Variants in ZNF705B observed in about 807,000 individuals in gnomAD.
ZNF705B encodes zinc finger protein 705B.
In ZNF705B, 1 loss-of-function variant was observed where a neutral mutation model predicts 10.5. The observed-to-expected ratio is 0.10, with a 90% CI of 0.03 to 0.45. ZNF705B has a LOEUF of 0.45. Ranked by LOEUF, ZNF705B falls within the 20% of genes least tolerant of loss-of-function variation. The pLI is 0.97. For missense variants in ZNF705B, 14 were observed against 84.0 expected (o/e 0.17, Z 3.26); for synonymous variants, 4 against 25.4 (o/e 0.16, Z 2.53).
intron 2 of ZNF705B, among the ~76,000 whole-genome samples, chr8:7,936,516 A>T (rs1820018685): frequency 8.4e-6 from 1 of 119,474 alleles, no homozygotes; most frequent in African/African-American, 2.6e-5. Flanking sequence ...TGTAGTACAT[A>T]TATGTCACGG....
chr8:7,935,876 C>G (rs1198780950), intron 2 of ZNF705B, among the ~76,000 whole-genome samples: 1 of 91,566 alleles, frequency 1.1e-5, no homozygotes, highest in East Asian at 3.0e-4. Context: ...ATAGTAGTAC[C>G]CAAGCCCACT....
At chr8:7,936,173 T>C (rs1324368354) in intron 2 of ZNF705B, among the ~76,000 whole-genome samples, 2 of 116,066 alleles carry the variant, frequency 1.7e-5, no homozygotes, top group African/African-American at 5.2e-5. Context: ...TAAATGATTG[T>C]GGAATAATTG....
At chr8:7,934,721 T>TGTGTGTGTGTG (rs1211087723) in intron 2 of ZNF705B, 26 of 108,840 alleles carry the variant, frequency 2.4e-4, no homozygotes, top group Middle Eastern at 2.5e-3. Context: ...TGTGTGTGTG[T>TGTGTGTGTGTG]TATTTGATTT....
chr8:7,927,468 G>A (rs866165002), intron 1 of ZNF705B, among the ~76,000 whole-genome samples: 2 of 120,740 alleles, frequency 1.7e-5, no homozygotes, highest in African/African-American at 5.0e-5. Flanking sequence ...GTCTTTTTTT[G>A]AGAAATGTCT....
chr8:7,940,935 C>CGA (rs1820138420), intron 2 of ZNF705B, among the ~76,000 whole-genome samples: 1 of 148,624 alleles, frequency 6.7e-6, no homozygotes, highest in South Asian at 2.2e-4. Flanking sequence ...TTAGAACGTG[C>CGA]AGTGCTTGGT....
chr8:7,926,343 G>A lies in ZNF705B; in HGVS notation c.-276G>A, dbSNP rs1275540150. ...ACTGGAGCTGCTTTCAGGTGTCCTT[G>A]TCCCAAGGGACATACAGCACACAGC... On this transcript the variant is annotated 5_prime_UTR_variant, in exon 1 of 7. Coordinates refer to ENST00000400120, the MANE Select transcript of ZNF705B (RefSeq NM_001193630.1). The A allele has an allele frequency of 1.7e-5, 2 of 116,248 alleles. 1 individual carries two copies. The highest frequency in any genetic ancestry group is 2.0e-4 in the Admixed American group (2 of 10,044). The allele number at this position is 116,248 out of a possible 1,614,324, so 7.2% of individuals were successfully genotyped here. A position where few individuals can be genotyped will look rare whatever the true frequency, so the allele number is the denominator to read the frequency against.
In ZNF705B at chr8:7,931,226, C is replaced by G. The variant is rs964433317; in HGVS notation, c.-72+790C>G. Among the ~76,000 whole-genome samples the G allele has an allele frequency of 7.6e-4, 92 of 121,018 alleles. 22 individuals carry two copies. The highest frequency in any genetic ancestry group is 1.3e-3 in the Non-Finnish European group (65 of 50,428). 79.4% of individuals were successfully genotyped at this position (121,018 alleles called of 152,430 possible). A position where few individuals can be genotyped will look rare whatever the true frequency, so the allele number is the denominator to read the frequency against. On this transcript the variant is annotated intron_variant, in intron 2 of 6. Coordinates refer to ENST00000400120, the MANE Select transcript of ZNF705B (RefSeq NM_001193630.1). ...AGACCCTGGGAGGCATGTGTAGCAT[C>G]AGCAATTGCAGTAGTCATAGCAGGT... is the stretch of plus-strand genomic sequence containing the variant.
chr8:7,932,827 GC>G (rs1360771391), intron 2 of ZNF705B, among the ~76,000 whole-genome samples: 1 of 106,954 alleles, frequency 9.3e-6, no homozygotes, highest in South Asian at 3.6e-4. Context: ...CCAAGGGGAG[GC>G]CCCCCAGTAC....
chr8:7,937,368 C>T (rs1412942395), intron 2 of ZNF705B, among the ~76,000 whole-genome samples: 1 of 107,124 alleles, frequency 9.3e-6, no homozygotes, highest in African/African-American at 2.7e-5. Context: ...TAGCACCATC[C>T]TGTGTTTTCT....
At chr8:7,927,668 T>C (rs1819734340) in intron 1 of ZNF705B, among the ~76,000 whole-genome samples, 1 of 134,182 alleles carries the variant, frequency 7.5e-6, no homozygotes, top group Non-Finnish European at 1.7e-5. Context: ...ACTGGAGCTT[T>C]GAAAGGTTGA....
In ZNF705B at chr8:7,941,821, ATT is replaced by A. The variant is rs542165449; in HGVS notation, c.-71-5521_-71-5520del. Among the ~76,000 whole-genome samples, 2 of 62,358 alleles carry A rather than the reference ATT, an allele frequency of 3.2e-5. 1 individual carries two copies. Among genetic ancestry groups the A allele is most frequent in the Non-Finnish European group, 7.0e-5 (2 of 28,412 alleles). 40.9% of individuals were successfully genotyped at this position (62,358 alleles called of 152,430 possible). On this transcript the variant is annotated intron_variant, in intron 2 of 6. Transcript: ENST00000400120. ...CACCATGCCCAGCTAATTTTTTGTA[ATT>A]TTTTTTTTCTTTTTTTAGTGGAGAC...
chr8:7,929,740 G>C (rs1339125783), intron 1 of ZNF705B, among the ~76,000 whole-genome samples: 2 of 114,488 alleles, frequency 1.7e-5, no homozygotes, highest in East Asian at 5.1e-4. Context: ...ACTTTGAGTG[G>C]AGTCATTTGC....
rs1820031003 is a variant in ZNF705B, at chr8:7,936,903, A to G, written c.-72+6467A>G. 1.7e-5 allele frequency among the ~76,000 whole-genome samples: 2 copies of G among 119,624 alleles called. 1 individual carries two copies. The highest frequency in any genetic ancestry group is 5.6e-4 in the South Asian group (2 of 3,576). The allele number at this position is 119,624 out of a possible 152,430, so 78.5% of individuals were successfully genotyped here. On this transcript the variant is annotated intron_variant, in intron 2 of 6. Coordinates refer to ENST00000400120, the MANE Select transcript of ZNF705B (RefSeq NM_001193630.1). ...TATTTTTAAAAATTGAAATTACAAA[A>G]GACTTTTTAAAATTATGATGTACCA...
Position 7,930,410 on chromosome 8 carries a change from T to G in ZNF705B, c.-98T>G, listed in dbSNP as rs1415247543. On this transcript the variant is annotated 5_prime_UTR_variant, in exon 2 of 7. Coordinates refer to ENST00000400120, the MANE Select transcript of ZNF705B (RefSeq NM_001193630.1). ...CTGCTGTTCCTTCTCTTTCTCCTTC[T>G]TGGATGTCTGATACAAACAGCCTCA... 5 of 76,806 alleles carry G rather than the reference T, an allele frequency of 6.5e-5. No individual in the cohort carries two copies. The highest frequency in any genetic ancestry group is 1.7e-4 in the African/African-American group (5 of 29,892). 4.8% of individuals were successfully genotyped at this position (76,806 alleles called of 1,614,324 possible).
At chr8:7,948,854 G>T (rs373270080) in intron 3 of ZNF705B, among the ~76,000 whole-genome samples, 2 of 74,670 alleles carry the variant, frequency 2.7e-5, no homozygotes, top group East Asian at 9.8e-4. Flanking sequence ...GTTATGTAGA[G>T]GTGATTAACA....
Position 7,930,855 on chromosome 8 carries a change from T to TG in ZNF705B, c.-72+419_-72+420insG, listed in dbSNP as rs1554594094. ...TTGTGTTATTTTTTTTGTTTTTTTT[T>TG]TTGTTGTTGTTGTTGTTTTGAGACA... On this transcript the variant is annotated intron_variant, in intron 2 of 6. Transcript: ENST00000400120. Among the ~76,000 whole-genome samples, 129 of 108,698 alleles carry TG rather than the reference T, an allele frequency of 1.2e-3. 4 individuals carry two copies. The highest frequency in any genetic ancestry group is 4.6e-3 in the Middle Eastern group (1 of 218). The allele number at this position is 108,698 out of a possible 152,430, so 71.3% of individuals were successfully genotyped here. A position where few individuals can be genotyped will look rare whatever the true frequency, so the allele number is the denominator to read the frequency against.
intron 1 of ZNF705B, among the ~76,000 whole-genome samples, chr8:7,927,045 G>A (rs529572067): frequency 8.3e-5 from 10 of 119,934 alleles, no homozygotes; most frequent in African/African-American, 2.3e-4. Context: ...CTCGTGGTAC[G>A]TGATAGGTGT....
intron 2 of ZNF705B, among the ~76,000 whole-genome samples, chr8:7,932,371 A>G (rs1819873902): frequency 8.3e-6 from 1 of 121,054 alleles, no homozygotes; most frequent in African/African-American, 2.5e-5. Flanking sequence ...TCTTCAAGGT[A>G]TGATTATCTA....
chr8:7,940,725 C>G (rs1178555436), intron 2 of ZNF705B, among the ~76,000 whole-genome samples: 1 of 146,394 alleles, frequency 6.8e-6, no homozygotes, highest in Non-Finnish European at 1.5e-5. Flanking sequence ...TTCATATAAC[C>G]TAATGCCCTC....
Sources: gnomAD v4.1 joint callset for allele counts (sites outside exome capture counted in the v4.1 genomes callset) on GRCh38, gnomAD v4.1.1 for gene constraint, MANE v1.5 for transcripts, NCBI Gene and HGNC (gene_info 2026-07-23, HGNC 2026-07-21) for gene names.